Variants in KLK9 observed in about 807,000 individuals in gnomAD.
KLK9 encodes the protein kallikrein related peptidase 9.
A neutral mutation model predicts 23.3 loss-of-function variants in KLK9; 26 were observed. That is an observed-to-expected ratio of 1.12 (90% CI 0.82 to 1.55). The LOEUF (loss-of-function observed/expected upper bound fraction) is 1.55. Among genes scored for constraint, KLK9 ranks in the 40% most tolerant of loss-of-function variants. The probability of loss-of-function intolerance (pLI) is 0.00; values close to 1 mark genes in which losing one functional copy is unlikely to be tolerated. For synonymous variants in KLK9, 122 were observed against 128.5 expected, an observed-to-expected ratio of 0.95 and a Z score of 0.34; for missense variants, 346 against 333.7, an observed-to-expected ratio of 1.04 and a Z score of -0.29.
Position 51,002,782 on chromosome 19 carries a change from C to T in KLK9, c.*329G>A, listed in dbSNP as rs2091238066. 2 of 237,768 alleles carry T rather than the reference C, an allele frequency of 8.4e-6. No individual in the cohort carries two copies. The highest frequency in any genetic ancestry group is 2.2e-5 in the African/African-American group (1 of 44,584). The allele number at this position is 237,768 out of a possible 1,614,324, so 14.7% of individuals were successfully genotyped here. A position where few individuals can be genotyped will look rare whatever the true frequency, so the allele number is the denominator to read the frequency against. On this transcript the variant is annotated 3_prime_UTR_variant, in exon 5 of 5. Coordinates refer to ENST00000594211, the MANE Select transcript of KLK9 (RefSeq NM_012315.2). ...GGGGAAGTCCCACTGGGCAAAGTTCCGAGGGGCGGAGCTATTTTGTGTAAG... is the reference window on the plus strand; with the variant it reads ...GGGGAAGTCCCACTGGGCAAAGTTCTGAGGGGCGGAGCTATTTTGTGTAAG...
Position 51,006,084 on chromosome 19 carries a change from G to A in KLK9, c.466+374C>T, listed in dbSNP as rs183499733. ...AGCTGCAATGAGCCGTGATCACACC[G>A]CTGCACTCCAGCCTGAGCAACAAAG... On this transcript the variant is annotated intron_variant, in intron 3 of 4. Coordinates refer to ENST00000594211, the MANE Select transcript of KLK9 (RefSeq NM_012315.2). The surrounding 1 kb of genome is among the most constrained non-coding windows in gnomAD (Gnocchi z 4.1). 4.0e-5 allele frequency among the ~76,000 whole-genome samples: 6 copies of A among 151,548 alleles called. No homozygotes were observed. Among genetic ancestry groups the A allele is most frequent in the East Asian group, 1.9e-4 (1 of 5,164 alleles).
chr19:51,006,350 G>T lies in KLK9; in HGVS notation c.466+108C>A. 1 of 1,093,322 alleles carries T rather than the reference G, an allele frequency of 9.1e-7. No homozygotes were observed. Among genetic ancestry groups the T allele is most frequent in the Non-Finnish European group, 1.3e-6 (1 of 781,972 alleles). The allele number at this position is 1,093,322 out of a possible 1,614,324, so 67.7% of individuals were successfully genotyped here. ...AAATATATCGATTGGCAGATAGATA[G>T]ACTGACAGAGAGAGAGAGGAGAGAG... On this transcript the variant is annotated intron_variant, in intron 3 of 4. Coordinates refer to ENST00000594211, the MANE Select transcript of KLK9 (RefSeq NM_012315.2). The surrounding 1 kb of genome is among the most constrained non-coding windows in gnomAD (Gnocchi z 4.1).
In KLK9 at chr19:51,003,074, C is replaced by G. The variant is rs1255920924; in HGVS notation, c.*37G>C. ...CCCCCTACCCCGTGCCCTTCGGCCT[C>G]TCTTGGTCTTCCAAGGTGCCCCCGT... On this transcript the variant is annotated 3_prime_UTR_variant, in exon 5 of 5. Coordinates refer to ENST00000594211, the MANE Select transcript of KLK9 (RefSeq NM_012315.2). The G allele has an allele frequency of 1.3e-6, 2 of 1,587,626 alleles. No homozygotes were observed. Among genetic ancestry groups the G allele is most frequent in the Non-Finnish European group, 1.7e-6 (2 of 1,164,558 alleles).
intron 3 of KLK9, 93 bp from the exon 4 acceptor site, chr19:51,003,933 G>T: frequency 9.9e-7 from 1 of 1,014,480 alleles, no homozygotes; most frequent in Non-Finnish European, 1.5e-6. Context: ...TTTTCCAAAG[G>T]ACCAATGGAG....
rs534837648 is a variant in KLK9 at position 51,002,921 on chromosome 19, G to T, written c.*190C>A. On this transcript the variant is annotated 3_prime_UTR_variant, in exon 5 of 5. Coordinates refer to ENST00000594211, the MANE Select transcript of KLK9 (RefSeq NM_012315.2). ...CGTGTCCCTGCTCCGTTCCGAGGGG[G>T]CGCGACTGTGTCTTGCTTGACCTCG... 4.1e-5 allele frequency: 27 copies of T among 656,304 alleles called. No homozygotes were observed. The highest frequency in any genetic ancestry group is 3.5e-4 in the African/African-American group (19 of 55,030). The allele number at this position is 656,304 out of a possible 1,614,324, so 40.7% of individuals were successfully genotyped here.
In KLK9 at chr19:51,003,057, C is replaced by G; in HGVS notation, c.*54G>C. The G allele has an allele frequency of 6.4e-7, 1 of 1,564,958 alleles. No homozygotes were observed. Among genetic ancestry groups the G allele is most frequent in the Non-Finnish European group, 8.7e-7 (1 of 1,153,212 alleles). On this transcript the variant is annotated 3_prime_UTR_variant, in exon 5 of 5. Transcript: ENST00000594211. ...CTGGGACCCTACGAGAACCCCCTAC[C>G]CCGTGCCCTTCGGCCTCTCTTGGTC...
intron 3 of KLK9, among the ~76,000 whole-genome samples, chr19:51,004,761 CA>C (rs1211002485): frequency 6.7e-6 from 1 of 150,330 alleles, no homozygotes; most frequent in Non-Finnish European, 1.5e-5. Context: ...GGAATGAAGG[CA>C]GTGAGATAAA....
intron 3 of KLK9, 25 bp from the exon 4 acceptor site, chr19:51,003,865 G>C (rs2091245399): frequency 6.2e-7 from 1 of 1,609,766 alleles, no homozygotes; most frequent in Non-Finnish European, 8.5e-7. Flanking sequence ...AACTGTCAAG[G>C]ATCTGCAACT....
intron 2 of KLK9, among the ~76,000 whole-genome samples, chr19:51,008,051 C>A (rs1033659865): frequency 6.6e-6 from 1 of 151,682 alleles, no homozygotes; most frequent in African/African-American, 2.4e-5. Flanking sequence ...AGAATTTTGG[C>A]TGGGCGCGGT....
rs1049358761 is a variant in KLK9, at chr19:51,006,298, A to T, written c.466+160T>A. Among the ~76,000 whole-genome samples, 4 of 151,854 alleles carry T rather than the reference A, an allele frequency of 2.6e-5. No homozygotes were observed. The highest frequency in any genetic ancestry group is 2.1e-4 in the South Asian group (1 of 4,826). Reference sequence around the variant, plus strand: ...AGTTCATGAAATAATGGCACATCTTAAAAATGCTAGCATCTTATATTTGGT... The same window carrying T: ...AGTTCATGAAATAATGGCACATCTTTAAAATGCTAGCATCTTATATTTGGT... On this transcript the variant is annotated intron_variant, in intron 3 of 4. Coordinates refer to ENST00000594211, the MANE Select transcript of KLK9 (RefSeq NM_012315.2). The surrounding 1 kb of genome is among the most constrained non-coding windows in gnomAD (Gnocchi z 4.1).
chr19:51,005,646 A>G (rs2091252505), intron 3 of KLK9, among the ~76,000 whole-genome samples: 1 of 151,908 alleles, frequency 6.6e-6, no homozygotes, highest in South Asian at 2.1e-4. Context: ...ACTAGTATCC[A>G]TGATTCTAGA....
intron 3 of KLK9, among the ~76,000 whole-genome samples, chr19:51,004,389 G>C (rs1196239676): frequency 8.5e-6 from 1 of 117,044 alleles, no homozygotes. Context: ...AAGGAAGGAA[G>C]AGAAACAGAA....
chr19:51,003,647 C>A, intron 4 of KLK9, 57 bp downstream of exon 4: 1 of 1,523,430 alleles, frequency 6.6e-7, no homozygotes, highest in Non-Finnish European at 9.0e-7. Context: ...CCTCTGCTCC[C>A]CTAAATCCTA....
rs2091241716 is a variant in KLK9 at position 51,003,212 on chromosome 19, C to T, written c.652G>A (p.Val218Met). ...LVCNGTLAGV[V>M]SGGAEPCSRP... Reference sequence around the variant, plus strand: ...GAGCAGGGCTCAGCACCCCCAGACACCACGCCTGCCAAGGTTCCATTGCAA... The same window carrying T: ...GAGCAGGGCTCAGCACCCCCAGACATCACGCCTGCCAAGGTTCCATTGCAA... Residue 218 changes from valine (V) to methionine (M), a missense_variant, in exon 5 of 5, where the codon GTG (valine) becomes ATG (methionine). By Grantham distance (21) the Val-to-Met change is conservative (BLOSUM62 1). Coordinates refer to ENST00000594211, the MANE Select transcript of KLK9 (RefSeq NM_012315.2). 1 of 1,613,138 alleles carries T rather than the reference C, an allele frequency of 6.2e-7. No individual in the cohort carries two copies. The highest frequency in any genetic ancestry group is 1.3e-5 in the African/African-American group (1 of 74,900).
chr19:51,006,597 AT>A lies in KLK9; in HGVS notation c.326del (p.Asn109MetfsTer6). 1.2e-6 allele frequency: 2 copies of A among 1,613,266 alleles called. No individual in the cohort carries two copies. ...FNKDLSANDHNDDIMLIRLPR... is the reference protein window; with the variant it reads ...FNKDLSANDHXDDIMLIRLPR... Reference sequence around the variant, plus strand: ...GCAGGCGGATCAGCATGATGTCATCATTGTGGTCATTGGCGCTGAGGTCCTT... The same window carrying A: ...GCAGGCGGATCAGCATGATGTCATCATGTGGTCATTGGCGCTGAGGTCCTT... On this transcript the variant is annotated frameshift_variant, in exon 3 of 5. Transcript: ENST00000594211. LOFTEE classifies it high-confidence loss of function. The surrounding 1 kb of genome is among the most constrained non-coding windows in gnomAD (Gnocchi z 4.1).
chr19:51,008,612 A>G (rs1040543560), intron 2 of KLK9, among the ~76,000 whole-genome samples: 1 of 152,214 alleles, frequency 6.6e-6, no homozygotes, highest in East Asian at 1.9e-4. Flanking sequence ...GTAACAGGCT[A>G]TGTGTGTAAA....
At chr19:51,008,195 T>C (rs1037660278) in intron 2 of KLK9, among the ~76,000 whole-genome samples, 8 of 144,506 alleles carry the variant, frequency 5.5e-5, no homozygotes, top group African/African-American at 2.0e-4. Context: ...AAAAATAGCC[T>C]GGCATGGTGG....
At position 51,009,554 on chromosome 19, in the gene KLK9, T is replaced by C; in HGVS notation, c.-7A>G. The C allele has an allele frequency of 6.2e-7, 1 of 1,612,518 alleles. No individual in the cohort carries two copies. Among genetic ancestry groups the C allele is most frequent in the Non-Finnish European group, 8.5e-7 (1 of 1,179,540 alleles). ...AGAGGAGTCCCAGCTTCATGACCCCTGGGCACCTGGATCCTGGAACGTGCA... is the reference window on the plus strand; with the variant it reads ...AGAGGAGTCCCAGCTTCATGACCCCCGGGCACCTGGATCCTGGAACGTGCA... On this transcript the variant is annotated 5_prime_UTR_variant, in exon 1 of 5. Coordinates refer to ENST00000594211, the MANE Select transcript of KLK9 (RefSeq NM_012315.2). This position sits in a 1 kb window ranked among gnomAD's most constrained non-coding sequence, Gnocchi z 4.8.
chr19:51,007,969 A>C (rs1298145190), intron 2 of KLK9, among the ~76,000 whole-genome samples: 2 of 152,158 alleles, frequency 1.3e-5, no homozygotes, highest in East Asian at 3.8e-4. Flanking sequence ...AAAAAACTCC[A>C]GGATTCTAAC....
Sources: gnomAD v4.1 joint callset for allele counts (sites outside exome capture counted in the v4.1 genomes callset) on GRCh38, gnomAD v4.1.1 for gene constraint, Gnocchi (gnomAD v3.1) non-coding constraint, MANE v1.5 for transcripts, NCBI Gene and HGNC (gene_info 2026-07-23, HGNC 2026-07-21) for gene names.